The following EYS variants were observed in gnomAD, a reference collection of about 807,000 sequenced individuals.
EYS encodes protein eyes shut homolog.
Under a neutral mutation model 282.1 loss-of-function variants are expected in EYS, and 250 were observed. The ratio of observed to expected loss-of-function variants is 0.89; its 90% CI spans 0.80 to 0.98. The LOEUF is 0.98. Among genes scored for constraint, EYS ranks in the 50% least tolerant of loss-of-function variants. The pLI is 0.00. For missense variants in EYS, 4,016 were observed against 3,709.0 expected (o/e 1.08, Z -2.15); for synonymous variants, 1,355 against 1,282.9 (o/e 1.06, Z -1.20).
chr6:64,011,575 T>C (rs1036673749), intron 33 of EYS, among the ~76,000 whole-genome samples: 2 of 151,270 alleles, frequency 1.3e-5, no homozygotes, highest in African/African-American at 4.9e-5. Flanking sequence ...CAAAAGCACA[T>C]AAGTAAAGTA....
chr6:64,217,278 C>A (rs1765959152), intron 31 of EYS, among the ~76,000 whole-genome samples: 1 of 151,988 alleles, frequency 6.6e-6, no homozygotes, highest in Admixed American at 6.6e-5. Flanking sequence ...CCTGTAATCC[C>A]AGAACTTTGG....
chr6:63,976,690 A>G (rs1302453022), intron 35 of EYS, among the ~76,000 whole-genome samples: 6 of 152,034 alleles, frequency 3.9e-5, no homozygotes, highest in Non-Finnish European at 7.4e-5. Flanking sequence ...AGCTAAATGA[A>G]TCTTTGGTAT....
At chr6:65,227,773 T>C (rs1766666083) in intron 12 of EYS, among the ~76,000 whole-genome samples, 1 of 152,078 alleles carries the variant, frequency 6.6e-6, no homozygotes, top group Non-Finnish European at 1.5e-5. Context: ...TGATACAGCA[T>C]AAATGAACTT....
intron 2 of EYS, among the ~76,000 whole-genome samples, chr6:65,612,239 A>ATCAT (rs1766028624): frequency 6.6e-6 from 1 of 150,808 alleles, no homozygotes. Flanking sequence ...ATATGTATAT[A>ATCAT]TCATATATAT....
Position 64,661,698 on chromosome 6 carries a change from A to T in EYS, c.3444-35453T>A, listed in dbSNP as rs1366852752. Among the ~76,000 whole-genome samples the T allele has an allele frequency of 6.3e-5, 9 of 143,144 alleles. No homozygotes were observed. The East Asian group carries it at 7.9e-4, about 13-fold the overall frequency. The allele number at this position is 143,144 out of a possible 152,430, so 93.9% of individuals were successfully genotyped here. On this transcript the variant is annotated intron_variant, in intron 22 of 42. Coordinates refer to ENST00000503581, the MANE Select transcript of EYS (RefSeq NM_001142800.2). ...CCACAATGAGATACCATCTCACACC[A>T]GTTAGAATGGTGATCATTAAAAAGT...
intron 31 of EYS, among the ~76,000 whole-genome samples, chr6:64,163,269 T>G (rs1047248204): frequency 1.3e-5 from 2 of 152,146 alleles, no homozygotes; most frequent in African/African-American, 4.8e-5. Flanking sequence ...TTTCTTCTAA[T>G]CTTCCAAAGT....
At chr6:65,015,579 G>C (rs779903575) in intron 13 of EYS, among the ~76,000 whole-genome samples, 26 of 152,172 alleles carry the variant, frequency 1.7e-4, no homozygotes, top group Non-Finnish European at 3.4e-4. Context: ...TTTCTTTGAA[G>C]TTTTATTTTG....
At chr6:63,910,333 A>G (rs1773883969) in intron 35 of EYS, among the ~76,000 whole-genome samples, 1 of 152,158 alleles carries the variant, frequency 6.6e-6, no homozygotes, top group Non-Finnish European at 1.5e-5. Flanking sequence ...CTGATAAAGA[A>G]CTTTCAGACT....
chr6:63,897,498 AAGGAATG>A (rs1451952655), intron 35 of EYS, among the ~76,000 whole-genome samples: 4 of 152,168 alleles, frequency 2.6e-5, no homozygotes, highest in African/African-American at 9.7e-5. Flanking sequence ...ATCCACACGT[AAGGAATG>A]CTGGCAGCCA....
At chr6:65,690,096 C>T (rs985053279) in intron 1 of EYS, among the ~76,000 whole-genome samples, 5 of 150,048 alleles carry the variant, frequency 3.3e-5, no homozygotes, top group Admixed American at 2.0e-4. Context: ...CATCTGTATG[C>T]AGAAGTACAG....
chr6:64,381,073 G>C (rs1006750871), intron 29 of EYS, among the ~76,000 whole-genome samples: 4 of 151,678 alleles, frequency 2.6e-5, no homozygotes, highest in African/African-American at 9.7e-5. Context: ...ATACCCACAG[G>C]TGTATATGCA....
chr6:64,450,217 G>C (rs959969352), intron 26 of EYS, among the ~76,000 whole-genome samples: 3 of 152,108 alleles, frequency 2.0e-5, no homozygotes, highest in Admixed American at 1.3e-4. Flanking sequence ...CCTAGTCTCT[G>C]ATAAAACAGA....
chr6:64,000,168 CTT>C (rs71551553), intron 33 of EYS, among the ~76,000 whole-genome samples: 2 of 42,726 alleles, frequency 4.7e-5, no homozygotes, highest in Admixed American at 3.2e-4. Context: ...AGACATGGGA[CTT>C]TTTTTTTTTT....
chr6:65,491,831 C>A (rs190496832), intron 4 of EYS, among the ~76,000 whole-genome samples: 1 of 152,142 alleles, frequency 6.6e-6, no homozygotes, highest in South Asian at 2.1e-4. Flanking sequence ...TAGAGAAGTA[C>A]GCAATTAAGG....
chr6:64,483,021 C>G (rs1445144921), intron 26 of EYS, among the ~76,000 whole-genome samples: 6 of 151,578 alleles, frequency 4.0e-5, no homozygotes, highest in African/African-American at 1.5e-4. Context: ...CTGTTGGCCA[C>G]TAGAGCTGAC....
intron 12 of EYS, among the ~76,000 whole-genome samples, chr6:65,104,938 G>A (rs912312993): frequency 6.6e-6 from 1 of 151,324 alleles, no homozygotes; most frequent in African/African-American, 2.4e-5. Context: ...TAATTTTGTG[G>A]AAGACTGAGA....
In EYS at chr6:63,933,524, G is replaced by A. The variant is rs115690419; in HGVS notation, c.7055+50859C>T. 8.7e-4 allele frequency among the ~76,000 whole-genome samples: 132 copies of A among 152,230 alleles called. 1 individual carries two copies. Among genetic ancestry groups the A allele is most frequent in the African/African-American group, 3.1e-3 (128 of 41,556 alleles). ...ACCTGGCCTCTTTTGGGTTTTTATG[G>A]TGGCTTCATTATGTAGGCATAATTG... On this transcript the variant is annotated intron_variant, in intron 35 of 42. Coordinates refer to ENST00000503581, the MANE Select transcript of EYS (RefSeq NM_001142800.2).
intron 31 of EYS, among the ~76,000 whole-genome samples, chr6:64,125,785 C>CAAAAAAAAAAAAA (rs920132590): frequency 8.0e-5 from 4 of 50,020 alleles, no homozygotes; most frequent in African/African-American, 6.3e-5. Context: ...GACTCCGTCT[C>CAAAAAAAAAAAAA]AAAAAAAAAA....
rs150411980 is a variant in EYS at position 64,605,772 on chromosome 6, T to C, written c.3684+11646A>G. ...ACTATTTTGGTAAGAATACATGGAA[T>C]TAGCAGACACTATAGGTAAATTCGT... On this transcript the variant is annotated intron_variant, in intron 24 of 42. Transcript: ENST00000503581. Among the ~76,000 whole-genome samples, 454 of 152,022 alleles carry C rather than the reference T, an allele frequency of 3.0e-3. 2 individuals carry two copies. The highest frequency in any genetic ancestry group is 0.01 in the African/African-American group (423 of 41,540).
Sources: gnomAD v4.1 joint callset for allele counts (sites outside exome capture counted in the v4.1 genomes callset) on GRCh38, gnomAD v4.1.1 for gene constraint, MANE v1.5 for transcripts, NCBI Gene and HGNC (gene_info 2026-07-23, HGNC 2026-07-21) for gene names.